OGDH: variants seen among roughly 807,000 people sequenced by gnomAD.
OGDH encodes oxoglutarate dehydrogenase.
A neutral mutation model predicts 116.6 loss-of-function variants in OGDH; 38 were observed. The observed-to-expected ratio is 0.33, with a 90% CI of 0.25 to 0.43. The LOEUF is 0.43. OGDH is among the 20% of genes least tolerant of loss of function. The pLI is 1.00. For synonymous variants in OGDH, 488 were observed against 533.3 expected, an observed-to-expected ratio of 0.92 and a Z score of 1.17; for missense variants, 825 against 1,357.2, an observed-to-expected ratio of 0.61 and a Z score of 6.16.
intron 4 of OGDH, among the ~76,000 whole-genome samples, chr7:44,653,948 A>G (rs1395135038): frequency 1.3e-5 from 2 of 151,984 alleles, no homozygotes; most frequent in Non-Finnish European, 2.9e-5. Flanking sequence ...TCTGCCTCCC[A>G]GGTTCAAGCA....
At position 44,697,759 on chromosome 7, in the gene OGDH, C is replaced by T. The variant is rs1788649625; in HGVS notation, c.2335C>T (p.Leu779=). 1.2e-6 allele frequency: 2 copies of T among 1,613,908 alleles called. No individual in the cohort carries two copies. Among genetic ancestry groups the T allele is most frequent in the Non-Finnish European group, 1.7e-6 (2 of 1,179,954 alleles). Residue 779 remains leucine (L), a synonymous_variant, in exon 17 of 23, where the codon CTG becomes TTG. Coordinates refer to ENST00000222673, the MANE Select transcript of OGDH (RefSeq NM_002541.4). This position sits in a 1 kb window ranked among gnomAD's most constrained non-coding sequence, Gnocchi z 6.0. The part of the protein sequence containing the change: ...WVRQNGIVLL[L]PHGMEGMGPE... Reference sequence around the variant, plus strand: ...GCGGCAGAATGGCATCGTGTTGCTGCTGCCCCATGGCATGGAGGGCATGGT... The same window carrying T: ...GCGGCAGAATGGCATCGTGTTGCTGTTGCCCCATGGCATGGAGGGCATGGT...
chr7:44,616,853 A>G (rs1210738478), intron 1 of OGDH, among the ~76,000 whole-genome samples: 2 of 113,876 alleles, frequency 1.8e-5, no homozygotes, highest in Non-Finnish European at 3.6e-5. Context: ...ACGTGTATAT[A>G]TATACACATA....
At chr7:44,674,804 G>A (rs1405797884) in intron 7 of OGDH, 2 of 560,000 alleles carry the variant, frequency 3.6e-6, no homozygotes, top group Admixed American at 3.1e-5. Context: ...TGGCCTTACA[G>A]TGCATCTTTA....
chr7:44,606,913 G>A (rs1784374227), intron 1 of OGDH, among the ~76,000 whole-genome samples: 1 of 152,054 alleles, frequency 6.6e-6, no homozygotes, highest in Admixed American at 6.5e-5. Flanking sequence ...GGCGGGCTCC[G>A]AGGTCGCGCG....
intron 2 of OGDH, among the ~76,000 whole-genome samples, chr7:44,642,689 C>G (rs1192210476): frequency 6.6e-6 from 1 of 152,018 alleles, no homozygotes; most frequent in Non-Finnish European, 1.5e-5. Flanking sequence ...TTTGGGAGGC[C>G]AAGGCGGGTG....
At chr7:44,671,038 A>G (rs1279531186) in intron 5 of OGDH, among the ~76,000 whole-genome samples, 2 of 151,892 alleles carry the variant, frequency 1.3e-5, no homozygotes, top group African/African-American at 2.4e-5. Flanking sequence ...AGAAAAGAAA[A>G]AAAAGAAAAT....
At chr7:44,681,438 C>T (rs573378332) in intron 9 of OGDH, among the ~76,000 whole-genome samples, 3 of 152,194 alleles carry the variant, frequency 2.0e-5, no homozygotes, top group South Asian at 2.1e-4. Context: ...ACAGAGGGTC[C>T]GGGTAGTCAT....
chr7:44,632,968 A>T (rs1436546548), intron 2 of OGDH, among the ~76,000 whole-genome samples: 1 of 151,588 alleles, frequency 6.6e-6, no homozygotes, highest in East Asian at 1.9e-4. Flanking sequence ...AAATACCTTA[A>T]TGGGGCCAGG....
intron 10 of OGDH, among the ~76,000 whole-genome samples, chr7:44,687,142 G>A (rs1270695887): frequency 1.0e-4 from 14 of 134,062 alleles, no homozygotes; most frequent in African/African-American, 4.1e-4. Context: ...CTGTCACCCA[G>A]GCTAGAGTGC....
chr7:44,627,153 C>T (rs914381493), intron 2 of OGDH, among the ~76,000 whole-genome samples: 1 of 152,288 alleles, frequency 6.6e-6, no homozygotes, highest in African/African-American at 2.4e-5. Context: ...TGTGCCACCA[C>T]GCCCGGCTAA....
chr7:44,649,672 C>T (rs1483788478), intron 4 of OGDH, among the ~76,000 whole-genome samples: 1 of 152,152 alleles, frequency 6.6e-6, no homozygotes, highest in Non-Finnish European at 1.5e-5. Flanking sequence ...CTCCTCTCTT[C>T]CCCTTCAGAC....
At position 44,707,880 on chromosome 7, in the gene OGDH, T is replaced by G; in HGVS notation, c.2953T>G (p.Tyr985Asp). ...CTGCCCCCTCCCTCCATCTCTCAGG[T>G]ATGCCGGCCGGGACCCAGCGGCTGC... ...TTISRAKPVW[Y>D]AGRDPAAAPA... Residue 985 changes from tyrosine (Y) to aspartate (D), a missense_variant and splice_region_variant, in exon 23 of 23, where the codon TAT becomes GAT. Transcript: ENST00000222673. The surrounding 1 kb of genome is among the most constrained non-coding windows in gnomAD (Gnocchi z 5.2). 6.2e-7 allele frequency: 1 copy of G among 1,612,488 alleles called. No individual in the cohort carries two copies. The highest frequency in any genetic ancestry group is 8.5e-7 in the Non-Finnish European group (1 of 1,179,396).
intron 4 of OGDH, among the ~76,000 whole-genome samples, chr7:44,664,214 T>G (rs1787081484): frequency 6.6e-6 from 1 of 152,184 alleles, no homozygotes; most frequent in Admixed American, 6.5e-5. Flanking sequence ...CACCACCTTG[T>G]TATTGCCAGC....
chr7:44,693,879 G>C lies in OGDH; in HGVS notation c.1390G>C (p.Val464Leu). 1 of 1,613,818 alleles carries C rather than the reference G, an allele frequency of 6.2e-7. No individual in the cohort carries two copies. The highest frequency in any genetic ancestry group is 8.5e-7 in the Non-Finnish European group (1 of 1,179,786). The change falls in exon 11 of 23, where the codon GTG becomes CTG. Residue 464 changes from valine to leucine, a missense_variant. Around this residue, in one of 7 missense-constraint regions of OGDH, gnomAD observed 146 missense variants for 317.3 expected, o/e 0.46. Transcript: ENST00000222673. ...MARSSPYPTD[V>L]ARVVNAPIFH... is the part of the protein sequence containing the mutation. Reference sequence around the variant, plus strand: ...CCGCTCCTCCCCCTACCCCACTGACGTGGCCCGAGTGGTGAATGCCCCCAT... The same window carrying C: ...CCGCTCCTCCCCCTACCCCACTGACCTGGCCCGAGTGGTGAATGCCCCCAT...
At chr7:44,699,479 T>C (rs530686408) in intron 18 of OGDH, among the ~76,000 whole-genome samples, 2 of 148,822 alleles carry the variant, frequency 1.3e-5, no homozygotes, top group East Asian at 2.0e-4. Flanking sequence ...TGTCAGTGTC[T>C]AAGGAAAATT....
In OGDH at chr7:44,670,903, C is replaced by T. The variant is rs537278902; in HGVS notation, c.634-2884C>T. ...GCGGGCACCTGTAGTCCCAACTACTCGGGAGGCTGAGCCAGGAGAATGGCA... is the reference window on the plus strand; with the variant it reads ...GCGGGCACCTGTAGTCCCAACTACTTGGGAGGCTGAGCCAGGAGAATGGCA... On this transcript the variant is annotated intron_variant, in intron 5 of 22. Transcript: ENST00000222673. Among the ~76,000 whole-genome samples, 11 of 148,636 alleles carry T rather than the reference C, an allele frequency of 7.4e-5. No homozygotes were observed. The South Asian group carries it at 8.6e-4, about 12-fold the overall frequency.
intron 2 of OGDH, among the ~76,000 whole-genome samples, chr7:44,630,325 G>T (rs1289559713): frequency 6.6e-6 from 1 of 152,232 alleles, no homozygotes; most frequent in African/African-American, 2.4e-5. Flanking sequence ...CCCACAGTGG[G>T]TATGTGGAAG....
At chr7:44,636,350 C>T (rs1785668805) in intron 2 of OGDH, among the ~76,000 whole-genome samples, 2 of 152,322 alleles carry the variant, frequency 1.3e-5, no homozygotes, top group South Asian at 4.1e-4. Context: ...GGGAGCTTGG[C>T]CCTCAAGACT....
chr7:44,674,295 T>G, intron 6 of OGDH, 116 bp from the exon 7 acceptor site: 1 of 1,294,680 alleles, frequency 7.7e-7, no homozygotes, highest in Non-Finnish European at 1.1e-6. Flanking sequence ...TCTGCCCACC[T>G]CGGCCTCCCA....
Sources: allele counts gnomAD v4.1 joint callset (sites outside exome capture counted in the v4.1 genomes callset), GRCh38; gene constraint gnomAD v4.1.1; regional missense constraint gnomAD v4.1.1; non-coding constraint Gnocchi (gnomAD v3.1); transcripts MANE v1.5; gene names NCBI Gene and HGNC (gene_info 2026-07-23, HGNC 2026-07-21).